The following BTNL9 variants were observed in gnomAD, a reference collection of about 807,000 sequenced individuals.
BTNL9 encodes butyrophilin-like protein 9.
BTNL9 carries 45 observed loss-of-function variants against 45.8 expected under a neutral mutation model. The observed-to-expected ratio is 0.98, with a 90% CI of 0.77 to 1.26. The LOEUF (loss-of-function observed/expected upper bound fraction) is 1.26, where lower values mean the gene tolerates loss of function less well. BTNL9 is among the 50% of genes most tolerant of loss of function. The probability of loss-of-function intolerance (pLI) is 0.00; values close to 1 mark genes in which losing one functional copy is unlikely to be tolerated. For missense variants in BTNL9, 784 were observed against 729.7 expected (o/e 1.07, Z -0.86); for synonymous variants, 346 against 330.8 (o/e 1.05, Z -0.50).
rs1011675523 is a variant in BTNL9, at chr5:181,042,523, G to C, written c.-24+2091G>C. Reference sequence around the variant, plus strand: ...AAGAGTGAGGTCAGAAAGGGCGGACGCACAGCAGCAAACGGGGAGGAGGGT... The same window carrying C: ...AAGAGTGAGGTCAGAAAGGGCGGACCCACAGCAGCAAACGGGGAGGAGGGT... On this transcript the variant is annotated intron_variant, in intron 1 of 10. Coordinates refer to ENST00000327705, the MANE Select transcript of BTNL9 (RefSeq NM_152547.5). The surrounding 1 kb of genome is among the most constrained non-coding windows in gnomAD (Gnocchi z 4.5). Among the ~76,000 whole-genome samples, 1 of 152,146 alleles carries C rather than the reference G, an allele frequency of 6.6e-6. No homozygotes were observed. Among genetic ancestry groups the C allele is most frequent in the Non-Finnish European group, 1.5e-5 (1 of 68,024 alleles).
rs777382242 is a variant in BTNL9 at position 181,059,597 on chromosome 5, G to A, written c.1343G>A (p.Arg448His). The A allele has an allele frequency of 1.2e-5, 20 of 1,613,064 alleles. No individual in the cohort carries two copies. Among genetic ancestry groups the A allele is most frequent in the African/African-American group, 4.0e-5 (3 of 74,938 alleles). ...CTCACCCTGCGCGTGCCCCCGCGGC[G>A]CCTGGGCGTCTTCCTGGACTACGAG... is the stretch of plus-strand genomic sequence containing the variant. ...VALTLRVPPRRLGVFLDYEAG... is the reference protein window; with the variant it reads ...VALTLRVPPRHLGVFLDYEAG... The change falls in exon 11 of 11, where the codon CGC becomes CAC. Residue 448 changes from arginine to histidine, a missense_variant. Transcript: ENST00000327705.
At chr5:181,044,139 G>A (rs6865743) in intron 1 of BTNL9, among the ~76,000 whole-genome samples, 1 of 151,962 alleles carries the variant, frequency 6.6e-6, no homozygotes, top group Non-Finnish European at 1.5e-5. Context: ...CTGTCTGGGT[G>A]CCTCCTAGCC....
chr5:181,048,718 T>G (rs189248343), intron 3 of BTNL9, among the ~76,000 whole-genome samples: 1 of 115,814 alleles, frequency 8.6e-6, no homozygotes, highest in Non-Finnish European at 1.7e-5. Flanking sequence ...TTGAAATATA[T>G]ATATATATCT....
chr5:181,059,349 G>C lies in BTNL9; in HGVS notation c.1095G>C (p.Gln365His). The change falls in exon 11 of 11, where the codon CAG (glutamine) becomes CAC (histidine). Residue 365 changes from glutamine to histidine, a missense_variant. By Grantham distance (24) the Gln-to-His change is conservative. Transcript: ENST00000327705. ...APPGPAPGHP[Q>H]RFSEQTCALS... ...CAGGCCCGGCGCCTGGCCACCCGCA[G>C]CGGTTCTCGGAGCAGACGTGCGCGC... The C allele has an allele frequency of 1.9e-6, 3 of 1,543,338 alleles. No individual in the cohort carries two copies. The highest frequency in any genetic ancestry group is 1.2e-5 in the South Asian group (1 of 84,092).
In BTNL9 at chr5:181,045,459, C is replaced by A. The variant is rs1168116335; in HGVS notation, c.-23-8C>A. ...ACGTCGCTCCAGCACCCCTTTGTCCCTCTCCAGGTGGCCCCCACTGCTGAC... is the reference window on the plus strand; with the variant it reads ...ACGTCGCTCCAGCACCCCTTTGTCCATCTCCAGGTGGCCCCCACTGCTGAC... On this transcript the variant is annotated splice_region_variant and splice_polypyrimidine_tract_variant and intron_variant, in intron 1 of 10. Transcript: ENST00000327705. 1.4e-6 allele frequency: 2 copies of A among 1,473,308 alleles called. No individual in the cohort carries two copies. The highest frequency in any genetic ancestry group is 1.9e-6 in the Non-Finnish European group (2 of 1,052,284). 91.3% of individuals were successfully genotyped at this position (1,473,308 alleles called of 1,614,324 possible). A position where few individuals can be genotyped will look rare whatever the true frequency, so the allele number is the denominator to read the frequency against.
At chr5:181,054,355 C>T (rs1761762542) in intron 7 of BTNL9, 96 bp downstream of exon 7, 15 of 1,572,442 alleles carry the variant, frequency 9.5e-6, no homozygotes, top group Non-Finnish European at 1.1e-5. Context: ...CGGCTGGCAA[C>T]TATCTAATTC....
chr5:181,054,177 C>G, intron 6 of BTNL9, 62 bp from the exon 7 acceptor site: 1 of 1,609,450 alleles, frequency 6.2e-7, no homozygotes, highest in Non-Finnish European at 8.5e-7. Context: ...TTCTGTCTGC[C>G]TCATTCCCCA....
At chr5:181,046,276 C>G (rs1324833520) in intron 2 of BTNL9, among the ~76,000 whole-genome samples, 3 of 149,770 alleles carry the variant, frequency 2.0e-5, no homozygotes, top group East Asian at 4.0e-4. Context: ...CTCTCCAGCC[C>G]CCAACACCTC....
At chr5:181,056,862 A>G in intron 9 of BTNL9, 2 of 471,652 alleles carry the variant, frequency 4.2e-6, no homozygotes, top group Non-Finnish European at 7.6e-6. Flanking sequence ...TAGGTTTGCA[A>G]CCTCTGAATG....
intron 7 of BTNL9, 128 bp downstream of exon 7, chr5:181,054,387 C>T (rs995349951): frequency 1.3e-6 from 2 of 1,524,416 alleles, no homozygotes; most frequent in African/African-American, 2.8e-5. Context: ...TGTGAGCCTC[C>T]ACCTCTTCCC....
At chr5:181,057,191 T>G (rs1343545834) in intron 9 of BTNL9, 1 of 152,224 alleles carries the variant, frequency 6.6e-6, no homozygotes, top group Non-Finnish European at 1.5e-5. Context: ...TGGTTTGTGT[T>G]TTTGAAGTTT....
At position 181,044,262 on chromosome 5, in the gene BTNL9, T is replaced by C. The variant is rs558389609; in HGVS notation, c.-23-1205T>C. Among the ~76,000 whole-genome samples the C allele has an allele frequency of 5.3e-5, 8 of 152,258 alleles. No homozygotes were observed. In the East Asian group the frequency reaches 1.4e-3, roughly 26 times the overall value. ...TTGAAAGTCCTTCCTTCACACCTGC[T>C]GATGGTGTTGCTGACAGTGTGGCCA... is the stretch of plus-strand genomic sequence containing the variant. On this transcript the variant is annotated intron_variant, in intron 1 of 10. Transcript: ENST00000327705.
At chr5:181,057,043 TGA>T (rs758718792) in intron 9 of BTNL9, 44 of 148,186 alleles carry the variant, frequency 3.0e-4, no homozygotes, top group East Asian at 7.8e-4. Context: ...TGTGTGTGTG[TGA>T]GATTAATCCC....
At chr5:181,058,310 T>G in intron 9 of BTNL9, 42 bp from the exon 10 acceptor site, 1 of 1,612,948 alleles carries the variant, frequency 6.2e-7, no homozygotes, top group African/African-American at 1.3e-5. Context: ...AGTTACTGAC[T>G]GAGATTTCTG....
chr5:181,055,884 G>A lies in BTNL9; in HGVS notation c.929-105G>A. 1.5e-6 allele frequency: 2 copies of A among 1,331,414 alleles called. No individual in the cohort carries two copies. Among genetic ancestry groups the A allele is most frequent in the Non-Finnish European group, 2.2e-6 (2 of 922,294 alleles). 82.5% of individuals were successfully genotyped at this position (1,331,414 alleles called of 1,614,324 possible). A position where few individuals can be genotyped will look rare whatever the true frequency, so the allele number is the denominator to read the frequency against. On this transcript the variant is annotated intron_variant, in intron 8 of 10. Transcript: ENST00000327705. The surrounding 1 kb of genome is among the most constrained non-coding windows in gnomAD (Gnocchi z 4.4). Reference sequence around the variant, plus strand: ...CAGGCAGGACCCCTGCTGGCTATGTGGGTGGTGGGGGGTGCGGGACAGGGT... The same window carrying A: ...CAGGCAGGACCCCTGCTGGCTATGTAGGTGGTGGGGGGTGCGGGACAGGGT...
At position 181,053,326 on chromosome 5, in the gene BTNL9, C is replaced by G. The variant is rs138850635; in HGVS notation, c.853+10C>G. The G allele has an allele frequency of 2.6e-6, 4 of 1,541,734 alleles. No homozygotes were observed. The highest frequency in any genetic ancestry group is 1.2e-5 in the South Asian group (1 of 83,516). On this transcript the variant is annotated intron_variant, in intron 5 of 10. Coordinates refer to ENST00000327705, the MANE Select transcript of BTNL9 (RefSeq NM_152547.5). This position sits in a 1 kb window ranked among gnomAD's most constrained non-coding sequence, Gnocchi z 6.5. ...CAGCGGAGAAGCCGAGGTACCGGCGCGGGCGGCGGGGCGGGGAGGGGCACC... is the reference window on the plus strand; with the variant it reads ...CAGCGGAGAAGCCGAGGTACCGGCGGGGGCGGCGGGGCGGGGAGGGGCACC...
chr5:181,047,951 A>G lies in BTNL9; in HGVS notation c.134A>G (p.Tyr45Cys), dbSNP rs764643771. 6.2e-7 allele frequency: 1 copy of G among 1,613,880 alleles called. No homozygotes were observed. The highest frequency in any genetic ancestry group is 8.5e-7 in the Non-Finnish European group (1 of 1,180,012). The change falls in exon 3 of 11, where the codon TAT becomes TGT. Residue 45 changes from tyrosine to cysteine, a missense_variant. Coordinates refer to ENST00000327705, the MANE Select transcript of BTNL9 (RefSeq NM_152547.5). Reference protein sequence around the residue: ...SSEVKVLGPEYPILALVGEEV... With the variant: ...SSEVKVLGPECPILALVGEEV... ...GAGGTCAAGGTGCTAGGCCCTGAGT[A>G]TCCCATCCTGGCCCTCGTCGGGGAG...
In BTNL9 at chr5:181,053,304, C is replaced by T. The variant is rs1761675881; in HGVS notation, c.841C>T (p.Arg281Trp). ...GGCGCTGGGCGTCCTCCGGAAGCAGCGGAGAAGCCGAGGTACCGGCGCGGG... is the reference window on the plus strand; with the variant it reads ...GGCGCTGGGCGTCCTCCGGAAGCAGTGGAGAAGCCGAGGTACCGGCGCGGG... ...ALALGVLRKQ[R>W]RSREKLRKQA... The change falls in exon 5 of 11, where the codon CGG becomes TGG. Residue 281 changes from arginine (R) to tryptophan (W), a missense_variant. By Grantham distance (101) the Arg-to-Trp change is moderately radical (BLOSUM62 -3). Transcript: ENST00000327705. This position sits in a 1 kb window ranked among gnomAD's most constrained non-coding sequence, Gnocchi z 6.5. The T allele has an allele frequency of 1.3e-6, 2 of 1,568,134 alleles. No homozygotes were observed. Among genetic ancestry groups the T allele is most frequent in the African/African-American group, 1.4e-5 (1 of 70,888 alleles).
chr5:181,046,452 GT>G (rs1411226752), intron 2 of BTNL9, among the ~76,000 whole-genome samples: 1 of 152,166 alleles, frequency 6.6e-6, no homozygotes, highest in Non-Finnish European at 1.5e-5. Context: ...ATTGATATAC[GT>G]TTTTAATTTT....
Sources: allele counts gnomAD v4.1 joint callset (sites outside exome capture counted in the v4.1 genomes callset), GRCh38; gene constraint gnomAD v4.1.1; non-coding constraint Gnocchi (gnomAD v3.1); transcripts MANE v1.5; gene names NCBI Gene and HGNC (gene_info 2026-07-23, HGNC 2026-07-21).